ARHGEF4: variants seen among roughly 807,000 people sequenced by gnomAD.
ARHGEF4 encodes the protein APC-stimulated guanine nucleotide exchange factor 1.
ARHGEF4 carries 119 observed loss-of-function variants against 162.0 expected under a neutral mutation model. The ratio of observed to expected loss-of-function variants is 0.73; its 90% CI spans 0.63 to 0.86. ARHGEF4 has a LOEUF of 0.86. Ranked by LOEUF, ARHGEF4 falls within the 40% of genes least tolerant of loss-of-function variation. The pLI, the probability that ARHGEF4 is intolerant of heterozygous loss-of-function variation, is 0.00. For synonymous variants in ARHGEF4, 1,014 were observed against 979.9 expected, an observed-to-expected ratio of 1.03 and a Z score of -0.65; for missense variants, 2,488 against 2,456.0, an observed-to-expected ratio of 1.01 and a Z score of -0.28.
chr2:131,039,207 C>T (rs531118035), intron 6 of ARHGEF4, among the ~76,000 whole-genome samples, 175 bp downstream of exon 6: 1 of 152,198 alleles, frequency 6.6e-6, no homozygotes, highest in African/African-American at 2.4e-5. Flanking sequence ...ACTCCTGCTC[C>T]CATTCCTCTT....
At chr2:130,941,123 G>GT (rs1558748180) in intron 3 of ARHGEF4, among the ~76,000 whole-genome samples, 1 of 152,034 alleles carries the variant, frequency 6.6e-6, no homozygotes, top group Admixed American at 6.6e-5. Flanking sequence ...CTGAGAAAAC[G>GT]TTTTGTCAAA....
rs1286081975 is a variant in ARHGEF4, at chr2:131,046,839, TGCATACTCCCAGTC to T, written c.*652_*665del. Reference sequence around the variant, plus strand: ...AAAAGGACAAGACGGTGCAGTCGGCTGCATACTCCCAGTCGGGAGTGTGGTCAGTCTGCCTGCTG... The same window carrying T: ...AAAAGGACAAGACGGTGCAGTCGGCTGGGAGTGTGGTCAGTCTGCCTGCTG... On this transcript the variant is annotated 3_prime_UTR_variant, in exon 14 of 14. Transcript: ENST00000409359. The T allele has an allele frequency of 2.6e-5, 4 of 152,688 alleles. No individual in the cohort carries two copies. The highest frequency in any genetic ancestry group is 7.2e-5 in the African/African-American group (3 of 41,468). The allele number at this position is 152,688 out of a possible 1,614,324, so 9.5% of individuals were successfully genotyped here.
chr2:130,960,055 C>A (rs1350337617), intron 4 of ARHGEF4, among the ~76,000 whole-genome samples: 1 of 152,144 alleles, frequency 6.6e-6, no homozygotes, highest in African/African-American at 2.4e-5. Context: ...ACGTTGCATG[C>A]ATATACACAC....
chr2:130,937,868 C>T (rs377607567), intron 3 of ARHGEF4, among the ~76,000 whole-genome samples: 5 of 151,972 alleles, frequency 3.3e-5, no homozygotes, highest in African/African-American at 7.3e-5. Flanking sequence ...GGGGTTTCAC[C>T]GTGTTAGCCA....
At chr2:131,017,101 C>T (rs1688814757) in intron 4 of ARHGEF4, among the ~76,000 whole-genome samples, 1 of 152,178 alleles carries the variant, frequency 6.6e-6, no homozygotes. Context: ...CAAGACTGGC[C>T]TTTGTGTTGC....
At chr2:130,926,810 ATTTTTTTTTTTTTTT>A (rs55904944) in intron 2 of ARHGEF4, among the ~76,000 whole-genome samples, 1,950 of 49,104 alleles carry the variant, frequency 0.04, 135 homozygotes, top group African/African-American at 0.12. Context: ...CTTCTGGCTG[ATTTTTTTTTTTTTTT>A]TTTTTTTTTT....
intron 4 of ARHGEF4, among the ~76,000 whole-genome samples, chr2:131,010,924 T>A (rs560847592): frequency 1.0e-3 from 158 of 152,286 alleles, no homozygotes; most frequent in Non-Finnish European, 1.8e-3. Flanking sequence ...TTAAAGCAGA[T>A]CCAGAATGGA....
In ARHGEF4 at chr2:131,043,834, T is replaced by C. The variant is rs752132702; in HGVS notation, c.5157+251T>C. Among the ~76,000 whole-genome samples, 4 of 152,170 alleles carry C rather than the reference T, an allele frequency of 2.6e-5. No homozygotes were observed. In the South Asian group the frequency reaches 8.3e-4, roughly 32 times the overall value. ...TGATCTTTCCTGACCTGGCCGCTGC[T>C]TGCTCCTCAAGCTACCTCTTCTCTC... On this transcript the variant is annotated intron_variant, in intron 11 of 13. Coordinates refer to ENST00000409359, the MANE Select transcript of ARHGEF4 (RefSeq NM_001367493.1).
chr2:130,916,362 T>A lies in ARHGEF4; in HGVS notation c.2416T>A (p.Leu806Met). The A allele has an allele frequency of 1.3e-6, 2 of 1,541,562 alleles. No homozygotes were observed. The highest frequency in any genetic ancestry group is 1.7e-6 in the Non-Finnish European group (2 of 1,145,318). ...KVTSFRKGRP[L>M]ATESPGGVPA... ...GACCTCCTTCAGGAAGGGCAGGCCC[T>A]TGGCCACTGAGAGCCCAGGAGGGGT... Residue 806 changes from leucine (L) to methionine (M), a missense_variant, in exon 2 of 14, where the codon TTG becomes ATG. Around this residue, in one of 6 missense-constraint regions of ARHGEF4, gnomAD observed 1,642 missense variants for 1,481.5 expected, o/e 1.11. Coordinates refer to ENST00000409359, the MANE Select transcript of ARHGEF4 (RefSeq NM_001367493.1).
chr2:130,940,827 G>A (rs1438531575), intron 3 of ARHGEF4, among the ~76,000 whole-genome samples: 8 of 110,376 alleles, frequency 7.2e-5, no homozygotes, highest in Non-Finnish European at 1.1e-4. Flanking sequence ...GCGAGACTCC[G>A]TCTCAAAAAA....
At chr2:130,992,684 C>T (rs1573551154) in intron 4 of ARHGEF4, among the ~76,000 whole-genome samples, 2 of 152,228 alleles carry the variant, frequency 1.3e-5, no homozygotes, top group East Asian at 3.9e-4. Context: ...ACCAAGAACC[C>T]ACCAATTCTG....
At chr2:130,961,801 A>T (rs1684638989) in intron 4 of ARHGEF4, among the ~76,000 whole-genome samples, 1 of 152,100 alleles carries the variant, frequency 6.6e-6, no homozygotes, top group Admixed American at 6.5e-5. Context: ...GGCAGTGGCC[A>T]TCCCTTCCCC....
intron 1 of ARHGEF4, among the ~76,000 whole-genome samples, chr2:130,872,759 G>A (rs1312333384): frequency 6.6e-6 from 1 of 152,224 alleles, no homozygotes; most frequent in Non-Finnish European, 1.5e-5. Flanking sequence ...CAGAGGAGAA[G>A]AATGGGCCAG....
intron 2 of ARHGEF4, among the ~76,000 whole-genome samples, chr2:130,926,517 T>A (rs999013333): frequency 3.7e-4 from 56 of 152,214 alleles, no homozygotes; most frequent in African/African-American, 1.3e-3. Context: ...TATTTAAATC[T>A]TGTTTTGGAA....
At chr2:130,939,844 A>G (rs1212209547) in intron 3 of ARHGEF4, among the ~76,000 whole-genome samples, 1 of 152,202 alleles carries the variant, frequency 6.6e-6, no homozygotes, top group Non-Finnish European at 1.5e-5. Flanking sequence ...TTTCCTAGGA[A>G]CTATTACAAA....
At chr2:130,961,694 T>C (rs558671042) in intron 4 of ARHGEF4, among the ~76,000 whole-genome samples, 2 of 152,102 alleles carry the variant, frequency 1.3e-5, no homozygotes, top group African/African-American at 2.4e-5. Flanking sequence ...ATGGCGGTGG[T>C]AGCAATGGAG....
At chr2:130,868,525 T>A (rs372146217) in intron 1 of ARHGEF4, among the ~76,000 whole-genome samples, 2 of 151,768 alleles carry the variant, frequency 1.3e-5, no homozygotes, top group Admixed American at 6.6e-5. Context: ...GGAGAAAGCG[T>A]GGTGTCTTTA....
At chr2:130,837,562 C>T (rs1483301692) in intron 1 of ARHGEF4, 22 of 443,090 alleles carry the variant, frequency 5.0e-5, no homozygotes, top group Non-Finnish European at 9.9e-5. Flanking sequence ...GCCCGATTTC[C>T]GGGCCCGCTC....
intron 4 of ARHGEF4, among the ~76,000 whole-genome samples, chr2:131,004,021 T>A (rs1181218472): frequency 2.6e-5 from 4 of 152,008 alleles, no homozygotes; most frequent in Non-Finnish European, 5.9e-5. Context: ...GGATCTTCAC[T>A]CCCTACATAG....
Sources: gnomAD v4.1 joint callset for allele counts (sites outside exome capture counted in the v4.1 genomes callset) on GRCh38, gnomAD v4.1.1 for gene constraint, gnomAD v4.1.1 regional missense constraint, MANE v1.5 for transcripts, NCBI Gene and HGNC (gene_info 2026-07-23, HGNC 2026-07-21) for gene names.